The following CACUL1 variants were observed in gnomAD, a reference collection of about 807,000 sequenced individuals.
CACUL1 encodes the protein CDK2 associated cullin domain 1, also known as CDK2-associated and cullin domain-containing protein 1.
In CACUL1, 13 loss-of-function variants were observed where a neutral mutation model predicts 45.2. The observed-to-expected ratio is 0.29, with a 90% CI of 0.19 to 0.46. The LOEUF (loss-of-function observed/expected upper bound fraction) is 0.46, where lower values mean the gene tolerates loss of function less well. Among genes scored for constraint, CACUL1 ranks in the 20% least tolerant of loss-of-function variants. CACUL1 has a pLI of 1.00. For synonymous variants in CACUL1, 197 were observed against 174.2 expected, an observed-to-expected ratio of 1.13 and a Z score of -1.03; for missense variants, 421 against 471.4, an observed-to-expected ratio of 0.89 and a Z score of 0.99.
At chr10:118,741,896 T>C (rs1470379894) in intron 1 of CACUL1, among the ~76,000 whole-genome samples, 1 of 152,180 alleles carries the variant, frequency 6.6e-6, no homozygotes, top group Non-Finnish European at 1.5e-5. Context: ...CCAAAAATAA[T>C]TTCAATTCTG....
chr10:118,691,842 G>C (rs1342402753), intron 6 of CACUL1, among the ~76,000 whole-genome samples: 2 of 142,696 alleles, frequency 1.4e-5, no homozygotes, highest in African/African-American at 5.4e-5. Flanking sequence ...ACTCCAGCCT[G>C]GGCGACAGAG....
Position 118,678,146 on chromosome 10 carries a change from G to A in CACUL1, c.*7982C>T, listed in dbSNP as rs1845115657. The A allele has an allele frequency of 2.0e-5, 3 of 152,078 alleles. No individual in the cohort carries two copies. The highest frequency in any genetic ancestry group is 6.5e-5 in the Admixed American group (1 of 15,282). The allele number at this position is 152,078 out of a possible 1,614,324, so 9.4% of individuals were successfully genotyped here. The stretch of plus-strand genomic sequence containing the variant: ...CTGTGAAATGCCTGCTAGTGTTTGG[G>A]GTCCGTCTCTCCTGAGTTGTTTTCA... On this transcript the variant is annotated 3_prime_UTR_variant, in exon 9 of 9. Coordinates refer to ENST00000369151, the MANE Select transcript of CACUL1 (RefSeq NM_153810.5).
At chr10:118,718,915 A>C (rs1845573351) in intron 3 of CACUL1, among the ~76,000 whole-genome samples, 1 of 152,218 alleles carries the variant, frequency 6.6e-6, no homozygotes, top group African/African-American at 2.4e-5. Context: ...TTTTTAAGCT[A>C]AACTGTTCTT....
rs557816132 is a variant in CACUL1, at chr10:118,723,923, C to G, written c.597+5372G>C. 2.6e-5 allele frequency among the ~76,000 whole-genome samples: 4 copies of G among 152,196 alleles called. No homozygotes were observed. In the South Asian group the frequency reaches 8.3e-4, roughly 32 times the overall value. On this transcript the variant is annotated intron_variant, in intron 3 of 8. Coordinates refer to ENST00000369151, the MANE Select transcript of CACUL1 (RefSeq NM_153810.5). ...GAGATTATAGGCGCCCACCACCACA[C>G]CCAGGTAATTTTTTTGTATTTGTAG...
intron 1 of CACUL1, among the ~76,000 whole-genome samples, chr10:118,733,030 T>C (rs562453364): frequency 5.3e-5 from 8 of 152,184 alleles, no homozygotes; most frequent in Non-Finnish European, 1.0e-4. Context: ...GTAATTAACA[T>C]ACCTATCTTC....
At chr10:118,694,912 T>C in intron 6 of CACUL1, 1 of 376,654 alleles carries the variant, frequency 2.7e-6, no homozygotes, top group Non-Finnish European at 5.0e-6. Context: ...TTATTTCTTG[T>C]ATTTCCCTCA....
At chr10:118,716,050 G>C (rs1360872518) in intron 3 of CACUL1, among the ~76,000 whole-genome samples, 1 of 152,098 alleles carries the variant, frequency 6.6e-6, no homozygotes, top group East Asian at 1.9e-4. Flanking sequence ...TCCTAACACG[G>C]TGAAACCCCG....
chr10:118,728,793 CAGG>C (rs1845674501), intron 3 of CACUL1, among the ~76,000 whole-genome samples: 2 of 152,118 alleles, frequency 1.3e-5, no homozygotes, highest in Non-Finnish European at 1.5e-5. Flanking sequence ...CTCCCTTAAA[CAGG>C]AGTTTTTCTG....
At chr10:118,718,131 A>G (rs968930286) in intron 3 of CACUL1, among the ~76,000 whole-genome samples, 2 of 152,196 alleles carry the variant, frequency 1.3e-5, no homozygotes, top group African/African-American at 4.8e-5. Context: ...GAAGACAGGC[A>G]GGTGATCCTC....
At chr10:118,740,121 T>A (rs1288537285) in intron 1 of CACUL1, among the ~76,000 whole-genome samples, 1 of 152,170 alleles carries the variant, frequency 6.6e-6, no homozygotes. Context: ...CACTCCAGCC[T>A]GGGCGACAGA....
intron 3 of CACUL1, among the ~76,000 whole-genome samples, chr10:118,714,425 T>G (rs1192673932): frequency 3.3e-5 from 5 of 152,232 alleles, no homozygotes; most frequent in African/African-American, 9.6e-5. Context: ...TTTTAAGTAT[T>G]GGGAAGCTAT....
chr10:118,700,323 T>G (rs1192091064), intron 5 of CACUL1, among the ~76,000 whole-genome samples: 1 of 152,008 alleles, frequency 6.6e-6, no homozygotes, highest in African/African-American at 2.4e-5. Flanking sequence ...ACTGAGACAT[T>G]AGGTTACAGG....
rs186278945 is a variant in CACUL1 at position 118,691,958 on chromosome 10, C to A, written c.887-555G>T. On this transcript the variant is annotated intron_variant, in intron 6 of 8. Coordinates refer to ENST00000369151, the MANE Select transcript of CACUL1 (RefSeq NM_153810.5). ...CTGATTTAACAGAATTTAGTGAAAA[C>A]CCCTAGGGAATTTTTGAACAAATCT... 3.2e-4 allele frequency among the ~76,000 whole-genome samples: 48 copies of A among 149,096 alleles called. No homozygotes were observed. The East Asian group carries it at 9.3e-3, about 29-fold the overall frequency.
chr10:118,740,718 A>G (rs1390353235), intron 1 of CACUL1, among the ~76,000 whole-genome samples: 1 of 152,104 alleles, frequency 6.6e-6, no homozygotes, highest in African/African-American at 2.4e-5. Context: ...TGAGGTCAGG[A>G]GATCGAGACC....
At position 118,677,653 on chromosome 10, in the gene CACUL1, A is replaced by G. The variant is rs1033296033; in HGVS notation, c.*8475T>C. ...GCTGGCTCTATTCTGACTTCACTCA[A>G]TGATTTCTGAGATGCATCCATGTTG... On this transcript the variant is annotated 3_prime_UTR_variant, in exon 9 of 9. Coordinates refer to ENST00000369151, the MANE Select transcript of CACUL1 (RefSeq NM_153810.5). 2 of 152,186 alleles carry G rather than the reference A, an allele frequency of 1.3e-5. No homozygotes were observed. Among genetic ancestry groups the G allele is most frequent in the South Asian group, 4.1e-4 (2 of 4,830 alleles). 9.4% of individuals were successfully genotyped at this position (152,186 alleles called of 1,614,324 possible). A position where few individuals can be genotyped will look rare whatever the true frequency, so the allele number is the denominator to read the frequency against.
chr10:118,743,574 C>A (rs1156998538), intron 1 of CACUL1, among the ~76,000 whole-genome samples: 3 of 151,942 alleles, frequency 2.0e-5, no homozygotes, highest in Non-Finnish European at 1.5e-5. Flanking sequence ...ACTAAAAATA[C>A]AAAAATTAGC....
intron 7 of CACUL1, among the ~76,000 whole-genome samples, chr10:118,687,707 C>T (rs1490567319): frequency 6.6e-6 from 1 of 152,230 alleles, no homozygotes; most frequent in African/African-American, 2.4e-5. Context: ...TCCCACCTCA[C>T]TTTCCTCCAC....
At chr10:118,726,431 T>C in intron 3 of CACUL1, 2 of 700,718 alleles carry the variant, frequency 2.9e-6, no homozygotes, top group East Asian at 6.8e-5. Context: ...ACAAACACGA[T>C]AGAGTCCCTC....
intron 4 of CACUL1, among the ~76,000 whole-genome samples, chr10:118,704,660 G>A (rs1322229715): frequency 6.6e-6 from 1 of 152,074 alleles, no homozygotes; most frequent in Non-Finnish European, 1.5e-5. Context: ...CCTTTGAGTA[G>A]TGTCCTTGCT....
Sources: gnomAD v4.1 joint callset for allele counts (sites outside exome capture counted in the v4.1 genomes callset) on GRCh38, gnomAD v4.1.1 for gene constraint, MANE v1.5 for transcripts, NCBI Gene and HGNC (gene_info 2026-07-23, HGNC 2026-07-21) for gene names.